ZNF500: variants seen among roughly 807,000 people sequenced by gnomAD.
ZNF500 encodes the protein zinc finger protein 500.
Under a neutral mutation model 30.1 loss-of-function variants are expected in ZNF500, and 31 were observed. That is an observed-to-expected ratio of 1.03 (90% CI 0.77 to 1.39). ZNF500 has a LOEUF of 1.39. ZNF500 is among the 40% of genes most tolerant of loss of function. ZNF500 has a pLI of 0.00. For missense variants in ZNF500, 817 were observed against 657.8 expected (o/e 1.24, Z -2.65); for synonymous variants, 392 against 282.0 (o/e 1.39, Z -3.91).
chr16:4,753,067 G>A lies in ZNF500; in HGVS notation c.761-9C>T, dbSNP rs1238600281. ...CAACTGGATCCCAGGTCCTGAGACA[G>A]AGAAAGCACGATCTCTAGGAACTCA... On this transcript the variant is annotated splice_polypyrimidine_tract_variant and intron_variant, in intron 5 of 5. Transcript: ENST00000219478. 4 of 1,506,760 alleles carry A rather than the reference G, an allele frequency of 2.7e-6. No individual in the cohort carries two copies. Among genetic ancestry groups the A allele is most frequent in the Non-Finnish European group, 3.5e-6 (4 of 1,134,770 alleles). The allele number at this position is 1,506,760 out of a possible 1,614,324, so 93.3% of individuals were successfully genotyped here.
At chr16:4,756,451 T>A (rs1175003801) in intron 5 of ZNF500, 1 of 151,266 alleles carries the variant, frequency 6.6e-6, no homozygotes, top group Non-Finnish European at 1.5e-5. Flanking sequence ...GCCACTGCAA[T>A]CCAACCTGGG....
intron 1 of ZNF500, 80 bp from the exon 2 acceptor site, chr16:4,766,156 G>A (rs1181564401): frequency 3.3e-6 from 2 of 607,872 alleles, no homozygotes; most frequent in Admixed American, 3.7e-5. Context: ...CCCTGCCCTG[G>A]TTCCAAGGCC....
chr16:4,766,018 T>G lies in ZNF500; in HGVS notation c.-40A>C, dbSNP rs2082262061. On this transcript the variant is annotated 5_prime_UTR_variant, in exon 2 of 6. Transcript: ENST00000219478. Reference sequence around the variant, plus strand: ...CTTGTTCCTTTTCAGGCCTTAGAGTTGAACCTGTCTCTCTCTATACCTCTG... The same window carrying G: ...CTTGTTCCTTTTCAGGCCTTAGAGTGGAACCTGTCTCTCTCTATACCTCTG... 6.6e-7 allele frequency: 1 copy of G among 1,513,256 alleles called. No homozygotes were observed. Among genetic ancestry groups the G allele is most frequent in the African/African-American group, 1.4e-5 (1 of 71,768 alleles). 93.7% of individuals were successfully genotyped at this position (1,513,256 alleles called of 1,614,324 possible).
At position 4,750,136 on chromosome 16, in the gene ZNF500, G is replaced by C. The variant is rs1397012454; in HGVS notation, c.*2240C>G. On this transcript the variant is annotated 3_prime_UTR_variant, in exon 6 of 6. Coordinates refer to ENST00000219478, the MANE Select transcript of ZNF500 (RefSeq NM_021646.4). ...CTGGGGGCTCAGGCTGCGCTGGGGA[G>C]ATGGGTGTCAGCAACGCTGGGTGCT... The C allele has an allele frequency of 1.3e-5, 2 of 152,682 alleles. No individual in the cohort carries two copies. Among genetic ancestry groups the C allele is most frequent in the African/African-American group, 4.8e-5 (2 of 41,480 alleles). The allele number at this position is 152,682 out of a possible 1,614,324, so 9.5% of individuals were successfully genotyped here.
chr16:4,758,062 T>G (rs555001404), intron 5 of ZNF500, among the ~76,000 whole-genome samples: 3 of 151,650 alleles, frequency 2.0e-5, no homozygotes, highest in Non-Finnish European at 4.4e-5. Context: ...CCATCACGCC[T>G]AATTTTTGTA....
Position 4,765,816 on chromosome 16 carries a change from G to C in ZNF500, c.163C>G (p.Leu55Val). ...CCAGCCACCTCCTGGTAGCAGAAGA[G>C]CCGGAAGAGCTGGCGGAAAGTCTCA... is the stretch of plus-strand genomic sequence containing the variant. Reference protein sequence around the residue: ...SPETFRQLFRLFCYQEVAGPR... With the variant: ...SPETFRQLFRVFCYQEVAGPR... Residue 55 changes from leucine (L) to valine (V), a missense_variant, in exon 2 of 6, where the codon CTC (leucine) becomes GTC (valine). By Grantham distance (32) the Leu-to-Val change is conservative (BLOSUM62 1). Coordinates refer to ENST00000219478, the MANE Select transcript of ZNF500 (RefSeq NM_021646.4). The C allele has an allele frequency of 6.2e-7, 1 of 1,613,498 alleles. No homozygotes were observed. The highest frequency in any genetic ancestry group is 8.5e-7 in the Non-Finnish European group (1 of 1,179,954).
At position 4,762,559 on chromosome 16, in the gene ZNF500, G is replaced by A; in HGVS notation, c.598+14C>T. 6.2e-7 allele frequency: 1 copy of A among 1,604,792 alleles called. No individual in the cohort carries two copies. Among genetic ancestry groups the A allele is most frequent in the Non-Finnish European group, 8.5e-7 (1 of 1,175,120 alleles). ...CTGCACCACTTCTCATTCCTCCAAA[G>A]GGGTGCTACTCACCTCTCTCTGGCC... On this transcript the variant is annotated intron_variant, in intron 3 of 5. Coordinates refer to ENST00000219478, the MANE Select transcript of ZNF500 (RefSeq NM_021646.4).
In ZNF500 at chr16:4,751,397, C is replaced by T; in HGVS notation, c.*979G>A. On this transcript the variant is annotated 3_prime_UTR_variant, in exon 6 of 6. Transcript: ENST00000219478. ...CTGGGCCCCGGCCCTGGGGAGATGT[C>T]AGGCCCGTCACATCCCAGGCAACAT... The T allele has an allele frequency of 4.9e-6, 3 of 610,074 alleles. No individual in the cohort carries two copies. The allele number at this position is 610,074 out of a possible 1,614,324, so 37.8% of individuals were successfully genotyped here. A position where few individuals can be genotyped will look rare whatever the true frequency, so the allele number is the denominator to read the frequency against.
Position 4,765,939 on chromosome 16 carries a change from C to G in ZNF500, c.40G>C (p.Glu14Gln), listed in dbSNP as rs552916256. Reference protein sequence around the residue: ...VPGLQPLPTLEQDLEQEEILI... With the variant: ...VPGLQPLPTLQQDLEQEEILI... ...ATCTCTTCCTGTTCCAGGTCCTGCT[C>G]CAAGGTTGGCAGGGGCTGGAGGCCA... Residue 14 changes from glutamate (E) to glutamine (Q), a missense_variant, in exon 2 of 6, where the codon GAG becomes CAG. By Grantham distance (29) the Glu-to-Gln change is conservative (BLOSUM62 2). Coordinates refer to ENST00000219478, the MANE Select transcript of ZNF500 (RefSeq NM_021646.4). 3 of 1,595,744 alleles carry G rather than the reference C, an allele frequency of 1.9e-6. No individual in the cohort carries two copies. The South Asian group carries it at 3.4e-5, about 18-fold the overall frequency.
chr16:4,757,414 G>T (rs987094595), intron 5 of ZNF500, among the ~76,000 whole-genome samples: 2 of 152,022 alleles, frequency 1.3e-5, no homozygotes, highest in Non-Finnish European at 2.9e-5. Context: ...CCAAGCTCAA[G>T]TGTTCCTCCC....
At chr16:4,746,793 G>T, downstream of ZNF500, 1 of 866,452 alleles carries the variant, frequency 1.2e-6, no homozygotes. Flanking sequence ...CTGGCAGGAC[G>T]TCCACCGGCC....
At chr16:4,745,140 TCAGG>T (rs1181813862), downstream of ZNF500, 2 of 1,238,092 alleles carry the variant, frequency 1.6e-6, no homozygotes, top group Non-Finnish European at 2.2e-6. Context: ...AAGCATCTGA[TCAGG>T]CAGTCGCTCC....
intron 5 of ZNF500, chr16:4,756,623 T>C: frequency 6.6e-6 from 1 of 152,246 alleles, no homozygotes; most frequent in Non-Finnish European, 1.5e-5. Flanking sequence ...TTCAAGCGAT[T>C]CTCCTGCCTC....
downstream of ZNF500, chr16:4,746,712 G>A (rs556158177): frequency 5.0e-5 from 41 of 824,238 alleles, no homozygotes; most frequent in East Asian, 4.9e-4. Flanking sequence ...ACACCTCCTC[G>A]GGCTGGGCTC....
intron 5 of ZNF500, 72 bp downstream of exon 5, chr16:4,760,420 G>A (rs1567531722): frequency 8.4e-6 from 12 of 1,436,402 alleles, no homozygotes; most frequent in Non-Finnish European, 1.2e-5. Flanking sequence ...ACAGAACCAA[G>A]CCCCGGAGCT....
intron 2 of ZNF500, 106 bp downstream of exon 2, chr16:4,765,459 G>A (rs568179135): frequency 5.5e-6 from 8 of 1,462,184 alleles, no homozygotes; most frequent in Non-Finnish European, 6.4e-6. Context: ...GGGCTCAGGG[G>A]CCAGGCAGCC....
downstream of ZNF500, chr16:4,746,303 G>A: frequency 2.0e-6 from 3 of 1,490,328 alleles, no homozygotes; most frequent in Non-Finnish European, 2.7e-6. Context: ...CACTGTGACT[G>A]GACAAACCCA....
chr16:4,766,739 G>A (rs777489697), intron 1 of ZNF500, among the ~76,000 whole-genome samples: 16 of 152,234 alleles, frequency 1.1e-4, no homozygotes, highest in African/African-American at 1.9e-4. Flanking sequence ...GGGCCTTTCT[G>A]CAGACTCTGC....
intron 1 of ZNF500, among the ~76,000 whole-genome samples, chr16:4,766,766 G>A (rs970228305): frequency 6.6e-6 from 1 of 152,174 alleles, no homozygotes; most frequent in Admixed American, 6.5e-5. Flanking sequence ...TTGATCCCCG[G>A]TGTCCAGGTC....
Sources: gnomAD v4.1 joint callset for allele counts (sites outside exome capture counted in the v4.1 genomes callset) on GRCh38, gnomAD v4.1.1 for gene constraint, MANE v1.5 for transcripts, NCBI Gene and HGNC (gene_info 2026-07-23, HGNC 2026-07-21) for gene names.